The following IRAK1BP1 variants were observed in gnomAD, a reference collection of about 807,000 sequenced individuals.
The protein encoded by IRAK1BP1 is interleukin-1 receptor-associated kinase 1-binding protein 1.
A neutral mutation model predicts 28.0 loss-of-function variants in IRAK1BP1; 24 were observed. The ratio of observed to expected loss-of-function variants is 0.86; its 90% CI spans 0.62 to 1.20. The LOEUF (loss-of-function observed/expected upper bound fraction) is 1.20, where lower values mean the gene tolerates loss of function less well. IRAK1BP1 is among the 50% of genes most tolerant of loss of function. IRAK1BP1 has a pLI of 0.00. For synonymous variants in IRAK1BP1, 131 were observed against 116.3 expected, an observed-to-expected ratio of 1.13 and a Z score of -0.81; for missense variants, 336 against 316.7, an observed-to-expected ratio of 1.06 and a Z score of -0.46.
intron 4 of IRAK1BP1, among the ~76,000 whole-genome samples, chr6:78,923,229 A>T (rs1003655221): frequency 1.3e-5 from 2 of 151,658 alleles, no homozygotes; most frequent in Non-Finnish European, 3.0e-5. Context: ...AAGGAGGAAG[A>T]TCTACCAAGC....
chr6:78,894,233 A>C (rs1181769666), intron 2 of IRAK1BP1, among the ~76,000 whole-genome samples: 21 of 152,240 alleles, frequency 1.4e-4, no homozygotes, highest in Non-Finnish European at 1.5e-5. Flanking sequence ...CCACAGGTTT[A>C]AATTTACCCA....
chr6:78,933,463 C>T (rs1054513458), intron 4 of IRAK1BP1, among the ~76,000 whole-genome samples: 8 of 151,886 alleles, frequency 5.3e-5, no homozygotes, highest in Non-Finnish European at 1.2e-4. Flanking sequence ...TAAAATACAA[C>T]AATTAGCCAG....
downstream of IRAK1BP1, among the ~76,000 whole-genome samples, chr6:78,951,343 T>C (rs1445185219): frequency 6.6e-6 from 1 of 152,190 alleles, no homozygotes; most frequent in Non-Finnish European, 1.5e-5. Flanking sequence ...TAAATGAACG[T>C]TGTAGAATAT....
the IRAK1BP1 span, chr6:78,961,589 T>G: frequency 9.0e-7 from 1 of 1,115,618 alleles, no homozygotes. Context: ...CTTATGTGCA[T>G]TCCTATATAC....
At chr6:78,967,397 A>T in the IRAK1BP1 span, among the ~76,000 whole-genome samples, 2 of 152,234 alleles carry the variant, frequency 1.3e-5, no homozygotes, top group South Asian at 4.1e-4. Context: ...CAGACTGATT[A>T]TTATGCTAAA....
rs540705574 is a variant in IRAK1BP1 at position 78,921,363 on chromosome 6, G to A, written c.*67+18253G>A. ...GTCTGAGATCAAACAGCAAGGCCGC[G>A]GCAAGGCTGGGGGAGGGGCGCCCAT... On this transcript the variant is annotated intron_variant and NMD_transcript_variant, in intron 4 of 4. Coordinates refer to the IRAK1BP1 transcript ENST00000606868. Among the ~76,000 whole-genome samples the A allele has an allele frequency of 6.6e-5, 10 of 152,278 alleles. No homozygotes were observed. In the South Asian group the frequency reaches 1.0e-3, roughly 16 times the overall value.
intron 4 of IRAK1BP1, chr6:78,941,471 T>C (rs762286742): frequency 2.5e-5 from 14 of 556,618 alleles, no homozygotes; most frequent in Non-Finnish European, 4.3e-5. Flanking sequence ...AAAAAGAACC[T>C]AGAAAACACT....
At chr6:78,916,877 G>T (rs1275076014) in intron 4 of IRAK1BP1, among the ~76,000 whole-genome samples, 1 of 152,056 alleles carries the variant, frequency 6.6e-6, no homozygotes, top group Non-Finnish European at 1.5e-5. Context: ...CCAGGAAGTG[G>T]AGGTTGCAGT....
intron 4 of IRAK1BP1, chr6:78,940,654 C>T: frequency 7.7e-7 from 1 of 1,306,270 alleles, no homozygotes; most frequent in Non-Finnish European, 1.0e-6. Flanking sequence ...TTAACTGTAC[C>T]TGCTTTATAG....
At chr6:78,921,049 A>T (rs1469444609) in intron 4 of IRAK1BP1, among the ~76,000 whole-genome samples, 1 of 152,188 alleles carries the variant, frequency 6.6e-6, no homozygotes, top group Non-Finnish European at 1.5e-5. Flanking sequence ...TACCAGGTTC[A>T]TCTCACTGGG....
chr6:78,950,604 T>C (rs1774088686), downstream of IRAK1BP1, among the ~76,000 whole-genome samples: 1 of 152,200 alleles, frequency 6.6e-6, no homozygotes, highest in African/African-American at 2.4e-5. Context: ...ATGTAAGTTA[T>C]CAAATTTATA....
At chr6:78,885,277 T>C (rs1397906077) in intron 1 of IRAK1BP1, 101 bp from the exon 2 acceptor site, 9 of 641,436 alleles carry the variant, frequency 1.4e-5, no homozygotes, top group Non-Finnish European at 2.5e-5. Context: ...TTGCATATTT[T>C]ATGTTTTTCT....
rs1255975169 is a variant in IRAK1BP1 at position 78,900,528 on chromosome 6, A to G, written c.*2194A>G. ...AGAAGAGTTTGAGTTCAACACCATTATATCCAAATCCTGACCTTACTACTG... is the reference window on the plus strand; with the variant it reads ...AGAAGAGTTTGAGTTCAACACCATTGTATCCAAATCCTGACCTTACTACTG... On this transcript the variant is annotated 3_prime_UTR_variant, in exon 4 of 4. Transcript: ENST00000369940. The G allele has an allele frequency of 2.0e-5, 3 of 152,200 alleles. No individual in the cohort carries two copies. The highest frequency in any genetic ancestry group is 6.5e-5 in the Admixed American group (1 of 15,276). The allele number at this position is 152,200 out of a possible 1,614,324, so 9.4% of individuals were successfully genotyped here.
At chr6:78,904,330 G>A (rs909529399), downstream of IRAK1BP1, among the ~76,000 whole-genome samples, 4 of 152,098 alleles carry the variant, frequency 2.6e-5, no homozygotes, top group Non-Finnish European at 5.9e-5. Context: ...GTGTATCTTT[G>A]CCCTTTACCT....
intron 1 of IRAK1BP1, among the ~76,000 whole-genome samples, chr6:78,884,211 A>T (rs1771332494): frequency 6.6e-6 from 1 of 152,202 alleles, no homozygotes; most frequent in Non-Finnish European, 1.5e-5. Flanking sequence ...TTTTCTGGAT[A>T]ACATAAACTG....
intron 2 of IRAK1BP1, among the ~76,000 whole-genome samples, chr6:78,891,463 A>AT (rs201905833): frequency 0.32 from 47,140 of 145,510 alleles, 7,717 homozygotes; most frequent in Admixed American, 0.39. Flanking sequence ...GTTTAGAGGA[A>AT]TTTTTTTTTT....
At position 78,893,312 on chromosome 6, in the gene IRAK1BP1, GTGTATATATATATATA is replaced by G. The variant is rs1229635363; in HGVS notation, c.382-4515_382-4500del. Among the ~76,000 whole-genome samples the G allele has an allele frequency of 3.7e-4, 24 of 64,188 alleles. No homozygotes were observed. The Admixed American group carries it at 3.8e-3, about 10-fold the overall frequency. The allele number at this position is 64,188 out of a possible 152,430, so 42.1% of individuals were successfully genotyped here. On this transcript the variant is annotated intron_variant, in intron 2 of 3. Transcript: ENST00000369940. The stretch of plus-strand genomic sequence containing the variant: ...TATATATGTGTGTGTGTGTGTGTGT[GTGTATATATATATATA>G]TATATATATATATATATATATCAAC...
At chr6:78,954,739 C>T in the IRAK1BP1 span, 3 of 881,650 alleles carry the variant, frequency 3.4e-6, no homozygotes, top group Non-Finnish European at 5.1e-6. Context: ...TAAAAAGTAA[C>T]TAAAATAGCC....
the IRAK1BP1 span, among the ~76,000 whole-genome samples, chr6:78,958,886 G>A: frequency 6.6e-6 from 1 of 152,070 alleles, no homozygotes; most frequent in Non-Finnish European, 1.5e-5. Flanking sequence ...GGAGTGGCAG[G>A]AGAGTAGAAA....
Sources: allele counts gnomAD v4.1 joint callset (sites outside exome capture counted in the v4.1 genomes callset), GRCh38; gene constraint gnomAD v4.1.1; transcripts MANE v1.5; gene names NCBI Gene and HGNC (gene_info 2026-07-23, HGNC 2026-07-21).